OLFM2: variants seen among roughly 807,000 people sequenced by gnomAD.
OLFM2 encodes olfactomedin 2, also known as noelin-2.
A neutral mutation model predicts 43.9 loss-of-function variants in OLFM2; 20 were observed. That is an observed-to-expected ratio of 0.46 (90% CI 0.32 to 0.66). OLFM2 has a LOEUF of 0.66. OLFM2 is among the 30% of genes least tolerant of loss of function. The pLI, the probability that OLFM2 is intolerant of heterozygous loss-of-function variation, is 0.04. For missense variants in OLFM2, 416 were observed against 643.6 expected (o/e 0.65, Z 3.83); for synonymous variants, 268 against 278.6 (o/e 0.96, Z 0.38).
chr19:9,869,485 T>TTGTACAATGGACATGATGACTACCTA (rs2046427011), intron 1 of OLFM2, among the ~76,000 whole-genome samples: 1 of 152,140 alleles, frequency 6.6e-6, no homozygotes, highest in African/African-American at 2.4e-5. Context: ...GTTTTTTCAT[T>TTGTACAATGGACATGATGACTACCTA]TGTACAATGG....
At chr19:9,870,936 C>T (rs1187573641) in intron 1 of OLFM2, among the ~76,000 whole-genome samples, 2 of 152,036 alleles carry the variant, frequency 1.3e-5, no homozygotes, top group Non-Finnish European at 2.9e-5. Context: ...TGGCTCGCAT[C>T]TGTAATCCTG....
In OLFM2 at chr19:9,857,344, TCTC is replaced by T. The variant is rs2145430307; in HGVS notation, c.496_498del (p.Glu166del). ...AGGTCCTCATACCCGTAGGCACCCA[TCTC>T]CTCCTGAATGGCCGCCAGACTGCCG... On this transcript the variant is annotated inframe_deletion, in exon 4 of 6. Transcript: ENST00000264833. The surrounding 1 kb of genome is among the most constrained non-coding windows in gnomAD (Gnocchi z 5.7). 2 of 1,614,064 alleles carry T rather than the reference TCTC, an allele frequency of 1.2e-6. No individual in the cohort carries two copies. The highest frequency in any genetic ancestry group is 8.5e-7 in the Non-Finnish European group (1 of 1,179,984).
chr19:9,904,158 G>GTT (rs1366807217), intron 1 of OLFM2, among the ~76,000 whole-genome samples: 1 of 68,214 alleles, frequency 1.5e-5, no homozygotes, highest in Non-Finnish European at 3.0e-5. Flanking sequence ...TTGTTTGTGT[G>GTT]TGTGTGTGTG....
At chr19:9,900,115 T>C (rs2046718585) in intron 1 of OLFM2, among the ~76,000 whole-genome samples, 1 of 152,122 alleles carries the variant, frequency 6.6e-6, no homozygotes, top group African/African-American at 2.4e-5. Flanking sequence ...CTGCATTCCT[T>C]ACATAAAGCT....
At chr19:9,880,422 A>G (rs1599477509) in intron 1 of OLFM2, among the ~76,000 whole-genome samples, 1 of 151,978 alleles carries the variant, frequency 6.6e-6, no homozygotes, top group South Asian at 2.1e-4. Flanking sequence ...AAACAGAGGA[A>G]CCTGAAAGTT....
chr19:9,929,316 G>T (rs1377493543), intron 1 of OLFM2, among the ~76,000 whole-genome samples: 1 of 152,124 alleles, frequency 6.6e-6, no homozygotes, highest in Non-Finnish European at 1.5e-5. Flanking sequence ...ACATGGGCCG[G>T]GCGCGGTGGC....
chr19:9,862,855 A>T (rs183543215), intron 1 of OLFM2, among the ~76,000 whole-genome samples: 1 of 151,820 alleles, frequency 6.6e-6, no homozygotes, highest in Non-Finnish European at 1.5e-5. Flanking sequence ...TGCGCCTATA[A>T]TCCCAGCTAC....
intron 1 of OLFM2, chr19:9,913,568 A>G: frequency 7.9e-7 from 1 of 1,267,594 alleles, no homozygotes. Context: ...GTTGGTGACC[A>G]TGGCCATGGT....
intron 1 of OLFM2, among the ~76,000 whole-genome samples, chr19:9,878,792 C>T (rs2046514054): frequency 6.6e-6 from 1 of 152,078 alleles, no homozygotes; most frequent in Non-Finnish European, 1.5e-5. Context: ...TGATAAGTGC[C>T]ACGATGCAGG....
chr19:9,859,020 G>A (rs776275557), intron 2 of OLFM2, among the ~76,000 whole-genome samples: 1 of 152,150 alleles, frequency 6.6e-6, no homozygotes. Flanking sequence ...CCTGGCTAAG[G>A]TAGATTCCCA....
chr19:9,924,206 C>T (rs895417543), intron 1 of OLFM2, among the ~76,000 whole-genome samples: 4 of 133,654 alleles, frequency 3.0e-5, no homozygotes, highest in African/African-American at 3.9e-5. Context: ...GTCAGGAGAT[C>T]GAGACCATCC....
At chr19:9,914,778 G>A (rs1158148398) in intron 1 of OLFM2, among the ~76,000 whole-genome samples, 2 of 152,050 alleles carry the variant, frequency 1.3e-5, no homozygotes, top group African/African-American at 2.4e-5. Flanking sequence ...GGAGAGGAGC[G>A]CCGGGCTAGT....
rs199752467 is a variant in OLFM2 at position 9,860,717 on chromosome 19, C to T, written c.141G>A (p.Thr47=). The change falls in exon 2 of 6, where the codon ACG becomes ACA. Residue 47 remains threonine (T), a synonymous_variant. Transcript: ENST00000264833. ...AGGTACTCTGCGCTGGGATCACGGC[C>T]GTGCAGATGCATTTCCCGTCAGGGG... ...AQAPDGKCIC[T]AVIPAQSTCS... The T allele has an allele frequency of 5.8e-5, 94 of 1,607,648 alleles. No individual in the cohort carries two copies. In the East Asian group the frequency reaches 1.6e-3, roughly 27 times the overall value.
intron 1 of OLFM2, among the ~76,000 whole-genome samples, chr19:9,914,049 C>T (rs1181555200): frequency 8.6e-5 from 13 of 150,830 alleles, no homozygotes; most frequent in African/African-American, 2.7e-4. Flanking sequence ...ACCACCACCG[C>T]GGTGGCATTC....
At chr19:9,935,471 G>T (rs1418721794) in intron 1 of OLFM2, among the ~76,000 whole-genome samples, 2 of 152,056 alleles carry the variant, frequency 1.3e-5, no homozygotes, top group Non-Finnish European at 2.9e-5. Context: ...TGGCGTGTGC[G>T]GTTGTGAGCA....
Position 9,935,623 on chromosome 19 carries a change from A to G in OLFM2, c.63+681T>C, listed in dbSNP as rs1599508568. Among the ~76,000 whole-genome samples the G allele has an allele frequency of 4.6e-5, 7 of 152,246 alleles. 1 individual carries two copies. The highest frequency in any genetic ancestry group is 4.6e-4 in the Admixed American group (7 of 15,282). Reference sequence around the variant, plus strand: ...CACTCCAAGGCTCTCACACGGCCACACACCTGGCCACACACGTATTGTACA... The same window carrying G: ...CACTCCAAGGCTCTCACACGGCCACGCACCTGGCCACACACGTATTGTACA... On this transcript the variant is annotated intron_variant, in intron 1 of 5. Transcript: ENST00000264833.
At chr19:9,878,699 T>A (rs2046513417) in intron 1 of OLFM2, among the ~76,000 whole-genome samples, 1 of 152,016 alleles carries the variant, frequency 6.6e-6, no homozygotes, top group Non-Finnish European at 1.5e-5. Flanking sequence ...GTTTTCCAGA[T>A]AGGACAGCAC....
At chr19:9,910,586 T>C (rs1364215511) in intron 1 of OLFM2, among the ~76,000 whole-genome samples, 1 of 152,196 alleles carries the variant, frequency 6.6e-6, no homozygotes, top group Admixed American at 6.6e-5. Flanking sequence ...ATAAATACAA[T>C]GGATGGAAGG....
At chr19:9,933,332 G>T (rs1197934673) in intron 1 of OLFM2, among the ~76,000 whole-genome samples, 1 of 152,118 alleles carries the variant, frequency 6.6e-6, no homozygotes, top group African/African-American at 2.4e-5. Context: ...TGCCTCCCAG[G>T]TTCAAGCAAT....
Sources: gnomAD v4.1 joint callset for allele counts (sites outside exome capture counted in the v4.1 genomes callset) on GRCh38, gnomAD v4.1.1 for gene constraint, Gnocchi (gnomAD v3.1) non-coding constraint, MANE v1.5 for transcripts, NCBI Gene and HGNC (gene_info 2026-07-23, HGNC 2026-07-21) for gene names.